The following SLC43A1 variants were observed in gnomAD, a reference collection of about 807,000 sequenced individuals.
SLC43A1 encodes large neutral amino acids transporter small subunit 3.
A neutral mutation model predicts 59.5 loss-of-function variants in SLC43A1; 31 were observed. That is an observed-to-expected ratio of 0.52 (90% CI 0.39 to 0.70). The LOEUF (loss-of-function observed/expected upper bound fraction) is 0.70, where lower values mean the gene tolerates loss of function less well. SLC43A1 is among the 30% of genes least tolerant of loss of function. The pLI is 0.00. For synonymous variants in SLC43A1, 259 were observed against 290.9 expected (o/e 0.89, Z 1.12); for missense variants, 598 against 717.8 (o/e 0.83, Z 1.91).
chr11:57,513,817 G>T (rs1944611700), intron 2 of SLC43A1, 141 bp downstream of exon 2: 3 of 688,818 alleles, frequency 4.4e-6, no homozygotes, highest in Admixed American at 4.3e-5. Flanking sequence ...ATCTCCCCCT[G>T]AAGTTTGAAG....
chr11:57,501,887 C>T (rs1196466265), intron 2 of SLC43A1, among the ~76,000 whole-genome samples: 1 of 152,098 alleles, frequency 6.6e-6, no homozygotes, highest in African/African-American at 2.4e-5. Context: ...GAAGCTTTCC[C>T]GATAAATGAT....
intron 7 of SLC43A1, 117 bp from the exon 8 acceptor site, chr11:57,494,288 T>C (rs529815501): frequency 2.2e-6 from 2 of 915,652 alleles, no homozygotes; most frequent in East Asian, 5.6e-5. Flanking sequence ...GGCATTGACA[T>C]GCTCACAAGC....
Position 57,514,810 on chromosome 11 carries a change from A to C in SLC43A1, c.-14+634T>G. 1 of 985,268 alleles carries C rather than the reference A, an allele frequency of 1.0e-6. No individual in the cohort carries two copies. Among genetic ancestry groups the C allele is most frequent in the Non-Finnish European group, 1.2e-6 (1 of 829,976 alleles). The allele number at this position is 985,268 out of a possible 1,614,324, so 61.0% of individuals were successfully genotyped here. A position where few individuals can be genotyped will look rare whatever the true frequency, so the allele number is the denominator to read the frequency against. ...CAGGGCTCGGGGCACCAGGCTTTGCACCTCGGAACCCGCTTGCCCCCCTCC... is the reference window on the plus strand; with the variant it reads ...CAGGGCTCGGGGCACCAGGCTTTGCCCCTCGGAACCCGCTTGCCCCCCTCC... On this transcript the variant is annotated intron_variant, in intron 1 of 14. Coordinates refer to ENST00000278426, the MANE Select transcript of SLC43A1 (RefSeq NM_003627.6). The surrounding 1 kb of genome is among the most constrained non-coding windows in gnomAD (Gnocchi z 5.5).
Position 57,514,288 on chromosome 11 carries a change from G to T in SLC43A1, c.-13-164C>A. 1 of 755,074 alleles carries T rather than the reference G, an allele frequency of 1.3e-6. No homozygotes were observed. The allele number at this position is 755,074 out of a possible 1,614,324, so 46.8% of individuals were successfully genotyped here. A position where few individuals can be genotyped will look rare whatever the true frequency, so the allele number is the denominator to read the frequency against. Reference sequence around the variant, plus strand: ...CAGCCGGTGCCAAGGAGCTGGCTCCGCGCGCACTAGCAGTGCCAGAGGTGC... The same window carrying T: ...CAGCCGGTGCCAAGGAGCTGGCTCCTCGCGCACTAGCAGTGCCAGAGGTGC... On this transcript the variant is annotated intron_variant, in intron 1 of 14. Coordinates refer to ENST00000278426, the MANE Select transcript of SLC43A1 (RefSeq NM_003627.6). This position sits in a 1 kb window ranked among gnomAD's most constrained non-coding sequence, Gnocchi z 5.5.
chr11:57,503,720 GAAGA>G (rs1408119460), intron 2 of SLC43A1, among the ~76,000 whole-genome samples: 3 of 152,206 alleles, frequency 2.0e-5, no homozygotes, highest in Non-Finnish European at 4.4e-5. Context: ...CGTAAAGCAA[GAAGA>G]AATACAAAGA....
intron 2 of SLC43A1, among the ~76,000 whole-genome samples, chr11:57,512,519 G>C (rs1944574346): frequency 6.6e-6 from 1 of 151,524 alleles, no homozygotes; most frequent in Admixed American, 6.6e-5. Context: ...ACTCCAGCCT[G>C]GGTGACAGAG....
intron 2 of SLC43A1, among the ~76,000 whole-genome samples, chr11:57,502,494 T>C (rs1462530604): frequency 6.6e-6 from 1 of 152,112 alleles, no homozygotes; most frequent in African/African-American, 2.4e-5. Flanking sequence ...GTGGGTCATG[T>C]GGTAAGCACG....
At chr11:57,500,222 T>G (rs1339594110) in intron 5 of SLC43A1, among the ~76,000 whole-genome samples, 1 of 152,144 alleles carries the variant, frequency 6.6e-6, no homozygotes, top group Non-Finnish European at 1.5e-5. Context: ...TTTCATATGG[T>G]TCAACCTAGT....
chr11:57,501,888 G>A (rs1480282442), intron 2 of SLC43A1, among the ~76,000 whole-genome samples: 1 of 152,164 alleles, frequency 6.6e-6, no homozygotes, highest in Non-Finnish European at 1.5e-5. Context: ...AAGCTTTCCC[G>A]ATAAATGATA....
chr11:57,487,341 C>A, intron 13 of SLC43A1, 123 bp from the exon 14 acceptor site: 1 of 1,216,436 alleles, frequency 8.2e-7, no homozygotes, highest in Non-Finnish European at 1.1e-6. Context: ...AGCGTTCGGG[C>A]TCTTTGCATG....
rs1196194817 is a variant in SLC43A1 at position 57,487,203 on chromosome 11, GTGGT to G, written c.1421_1424del (p.Asn474ThrfsTer5). 1 of 1,613,696 alleles carries G rather than the reference GTGGT, an allele frequency of 6.2e-7. No homozygotes were observed. The highest frequency in any genetic ancestry group is 8.5e-7 in the Non-Finnish European group (1 of 1,179,728). On this transcript the variant is annotated frameshift_variant, in exon 14 of 15. Coordinates refer to ENST00000278426, the MANE Select transcript of SLC43A1 (RefSeq NM_003627.6). LOFTEE classifies it high-confidence loss of function. ...ACTGCAGGCCTGTCAGCGTCCCAAA[GTGGT>G]TGGATGGGAACCTGTCCACGAGACG...
chr11:57,491,951 C>T (rs938240670), intron 8 of SLC43A1, 89 bp from the exon 9 acceptor site: 2 of 1,276,140 alleles, frequency 1.6e-6, no homozygotes, highest in Middle Eastern at 2.5e-4. Flanking sequence ...GGGGGAGTGA[C>T]ACTAACTATG....
chr11:57,486,012 C>T (rs942845706), intron 14 of SLC43A1, among the ~76,000 whole-genome samples: 3 of 152,210 alleles, frequency 2.0e-5, no homozygotes, highest in African/African-American at 7.2e-5. Flanking sequence ...AGGGCTGCCT[C>T]GTGCAGGAGT....
intron 6 of SLC43A1, 137 bp from the exon 7 acceptor site, chr11:57,496,301 C>CTCAGGCGATCCACCCTCTTCGGCCTCCCA: frequency 1.0e-6 from 1 of 956,618 alleles, no homozygotes. Context: ...ATGAGGAAAC[C>CTCAGGCGATCCACCCTCTTCGGCCTCCCA]AAGACCAGAA....
At chr11:57,495,945 C>G (rs1200713655) in intron 7 of SLC43A1, 86 bp downstream of exon 7, 1 of 1,489,702 alleles carries the variant, frequency 6.7e-7, no homozygotes, top group Non-Finnish European at 9.1e-7. Context: ...GCCGAGGTCT[C>G]TCTGAATCCA....
rs1414122018 is a variant in SLC43A1, at chr11:57,501,166, C to T, written c.318G>A (p.Val106=). Residue 106 remains valine (V), a synonymous_variant, in exon 3 of 15, where the codon GTG becomes GTA. Transcript: ENST00000278426. ...ILMDRFGPRP[V]RLVGSACFTA... The stretch of plus-strand genomic sequence containing the variant: ...AGCCACCTCACCTGCCAACCAGCCG[C>T]ACGGGTCGGGGGCCAAAGCGGTCCA... 7 of 1,612,538 alleles carry T rather than the reference C, an allele frequency of 4.3e-6. No individual in the cohort carries two copies. In the African/African-American group the frequency reaches 6.7e-5, roughly 15 times the overall value.
chr11:57,494,413 T>A, intron 7 of SLC43A1: 1 of 493,062 alleles, frequency 2.0e-6, no homozygotes, highest in Non-Finnish European at 3.5e-6. Context: ...GCTGTTCCCA[T>A]GGAGGAGGCA....
rs780932582 is a variant in SLC43A1, at chr11:57,489,311, C to T, written c.1275G>A (p.Leu425=). The T allele has an allele frequency of 2.1e-5, 34 of 1,614,058 alleles. No homozygotes were observed. Among genetic ancestry groups the T allele is most frequent in the Admixed American group, 6.7e-5 (4 of 60,004 alleles). ...CAAAACCCACAAGCAGCAGGTTGGT[C>T]AGGGTGAAGGCACTGATGGCATTGG... ...KLTNAISAFT[L]TNLLLVGFGI... is the part of the protein sequence containing the mutation. Residue 425 remains leucine (L), a synonymous_variant, in exon 12 of 15, where the codon CTG becomes CTA. Transcript: ENST00000278426.
intron 7 of SLC43A1, among the ~76,000 whole-genome samples, chr11:57,494,773 C>CG (rs2135170110): frequency 6.6e-6 from 1 of 152,042 alleles, no homozygotes; most frequent in South Asian, 2.1e-4. Flanking sequence ...CACATGGCAT[C>CG]GAGTGCCATT....
Sources: allele counts gnomAD v4.1 joint callset (sites outside exome capture counted in the v4.1 genomes callset), GRCh38; gene constraint gnomAD v4.1.1; non-coding constraint Gnocchi (gnomAD v3.1); transcripts MANE v1.5; gene names NCBI Gene and HGNC (gene_info 2026-07-23, HGNC 2026-07-21).